Variants in WASHC2C observed in about 807,000 individuals in gnomAD.
WASHC2C encodes the protein WASH complex subunit 2C.
Under a neutral mutation model 142.2 loss-of-function variants are expected in WASHC2C, and 73 were observed. The ratio of observed to expected loss-of-function variants is 0.51; its 90% CI spans 0.43 to 0.62. The LOEUF (loss-of-function observed/expected upper bound fraction) is 0.62. WASHC2C is among the 20% of genes least tolerant of loss of function. The pLI is 0.00. For missense variants in WASHC2C, 969 were observed against 1,531.7 expected, an observed-to-expected ratio of 0.63 and a Z score of 6.13; for synonymous variants, 337 against 565.5, an observed-to-expected ratio of 0.60 and a Z score of 5.73.
chr10:45,777,403 C>G lies in WASHC2C; in HGVS notation c.2273C>G (p.Thr758Ser), dbSNP rs370570600. 8.1e-5 allele frequency: 131 copies of G among 1,610,034 alleles called. 1 individual carries two copies. The highest frequency in any genetic ancestry group is 9.9e-5 in the Non-Finnish European group (117 of 1,178,424). ...SAKESLKFGR[T>S]DVAESEKEGL... ...AAGGAGTCATTAAAATTTGGGAGAA[C>G]TGATGTGGCTGAGTCAGAAAAGGTG... The change falls in exon 22 of 31, where the codon ACT (threonine) becomes AGT (serine). Residue 758 changes from threonine (T) to serine (S), a missense_variant. Physicochemically the swap from Thr to Ser is moderately conservative, Grantham distance 58. Transcript: ENST00000623400.
intron 21 of WASHC2C, among the ~76,000 whole-genome samples, chr10:45,775,215 G>A (rs1225147275): frequency 2.0e-5 from 3 of 149,568 alleles, no homozygotes; most frequent in African/African-American, 5.0e-5. Flanking sequence ...GACCAGGCAC[G>A]GTGGCTCACG....
At chr10:45,755,178 C>G (rs2054092837) in intron 15 of WASHC2C, 63 bp downstream of exon 15, 1 of 1,549,160 alleles carries the variant, frequency 6.5e-7, no homozygotes, top group South Asian at 1.2e-5. Flanking sequence ...CTAAAAAGAA[C>G]ATAAGCTCAC....
intron 17 of WASHC2C, among the ~76,000 whole-genome samples, chr10:45,762,565 T>C (rs1239311240): frequency 5.9e-5 from 9 of 152,342 alleles, no homozygotes; most frequent in Non-Finnish European, 1.3e-4. Flanking sequence ...TTAAGCTAAG[T>C]AGACTAGCAA....
intron 19 of WASHC2C, among the ~76,000 whole-genome samples, chr10:45,767,012 A>T (rs1337096744): frequency 6.6e-6 from 1 of 152,158 alleles, no homozygotes; most frequent in East Asian, 1.9e-4. Context: ...CACGTCTGTA[A>T]TCCCAGCACT....
At chr10:45,786,790 C>G in intron 27 of WASHC2C, 116 bp downstream of exon 27, 1 of 1,579,308 alleles carries the variant, frequency 6.3e-7, no homozygotes, top group Admixed American at 1.7e-5. Flanking sequence ...CCCGCCTCCC[C>G]TCCCCTGCAC....
At position 45,727,413 on chromosome 10, in the gene WASHC2C, G is replaced by T. The variant is rs2049982433; in HGVS notation, c.4-4G>T. ...AGCCTCTCTTCTCGTTTTTTTCGCT[G>T]CAGATGAACCGGACGACCCCCGACC... On this transcript the variant is annotated splice_polypyrimidine_tract_variant and splice_region_variant and intron_variant, in intron 1 of 30. Transcript: ENST00000623400. 1 of 1,611,166 alleles carries T rather than the reference G, an allele frequency of 6.2e-7. No homozygotes were observed. Among genetic ancestry groups the T allele is most frequent in the Non-Finnish European group, 8.5e-7 (1 of 1,179,456 alleles).
intron 13 of WASHC2C, among the ~76,000 whole-genome samples, chr10:45,754,279 A>G (rs1271147501): frequency 3.3e-5 from 5 of 152,162 alleles, no homozygotes; most frequent in African/African-American, 1.2e-4. Context: ...TTTGAGTCAC[A>G]GCTCAGATTG....
At chr10:45,757,588 A>G (rs1269754069) in intron 16 of WASHC2C, among the ~76,000 whole-genome samples, 1 of 152,346 alleles carries the variant, frequency 6.6e-6, no homozygotes, top group African/African-American at 2.4e-5. Flanking sequence ...CAGTTGCCCC[A>G]GAATGTCTTT....
intron 3 of WASHC2C, among the ~76,000 whole-genome samples, chr10:45,734,359 CTGTG>C (rs139735516): frequency 7.9e-4 from 117 of 148,152 alleles, no homozygotes; most frequent in East Asian, 2.6e-3. Flanking sequence ...TTCTAGATGA[CTGTG>C]TGTGTGTGTG....
At chr10:45,757,929 C>A (rs1241962716) in intron 16 of WASHC2C, among the ~76,000 whole-genome samples, 1 of 152,356 alleles carries the variant, frequency 6.6e-6, no homozygotes, top group South Asian at 2.1e-4. Context: ...GGGTTGGGGA[C>A]CCCTGCTTTA....
intron 3 of WASHC2C, among the ~76,000 whole-genome samples, chr10:45,729,922 A>G (rs2597051): frequency 2.0e-5 from 3 of 152,224 alleles, no homozygotes; most frequent in Non-Finnish European, 2.9e-5. Flanking sequence ...TTAATAGCTC[A>G]AGTTAAATGC....
chr10:45,773,909 A>C (rs1554885652), intron 21 of WASHC2C, among the ~76,000 whole-genome samples: 1 of 149,752 alleles, frequency 6.7e-6, no homozygotes, highest in African/African-American at 2.4e-5. Flanking sequence ...AAAAAAAAAA[A>C]AAAAAAGCGT....
intron 5 of WASHC2C, among the ~76,000 whole-genome samples, chr10:45,740,838 T>G (rs1454837066): frequency 6.6e-6 from 1 of 152,148 alleles, no homozygotes; most frequent in Non-Finnish European, 1.5e-5. Context: ...AAGAGACAAT[T>G]GGGGTGACAC....
In WASHC2C at chr10:45,752,064, T is replaced by G. The variant is rs1589708278; in HGVS notation, c.1003+511T>G. On this transcript the variant is annotated intron_variant, in intron 11 of 30. Transcript: ENST00000623400. ...GTAAAAATTCCTGTAGAGATTTGAT[T>G]TATTAGATTTTACAGCAATCATTTC... Among the ~76,000 whole-genome samples, 3 of 152,278 alleles carry G rather than the reference T, an allele frequency of 2.0e-5. No individual in the cohort carries two copies. In the East Asian group the frequency reaches 5.8e-4, roughly 29 times the overall value.
At chr10:45,777,081 T>C (rs1396342512) in intron 21 of WASHC2C, among the ~76,000 whole-genome samples, 192 bp from the exon 22 acceptor site, 1 of 151,812 alleles carries the variant, frequency 6.6e-6, no homozygotes, top group Non-Finnish European at 1.5e-5. Context: ...TGAAGTGTCC[T>C]GTCCACAAGT....
chr10:45,761,255 C>T (rs568226557), intron 17 of WASHC2C, among the ~76,000 whole-genome samples: 35 of 152,202 alleles, frequency 2.3e-4, no homozygotes, highest in African/African-American at 7.5e-4. Flanking sequence ...TCAGGGAAGC[C>T]GGTCCTCTTA....
rs2923045 is a variant in WASHC2C at position 45,731,763 on chromosome 10, C to G, written c.291+2737C>G. Among the ~76,000 whole-genome samples, 277 of 149,296 alleles carry G rather than the reference C, an allele frequency of 1.9e-3. 1 individual carries two copies. The highest frequency in any genetic ancestry group is 2.7e-3 in the Non-Finnish European group (182 of 67,516). On this transcript the variant is annotated intron_variant, in intron 3 of 30. Coordinates refer to ENST00000623400, the MANE Select transcript of WASHC2C (RefSeq NM_001330074.2). ...CATAATAAAACTCTGAAAAAATATA[C>G]TTGCTGATATATATTTGTAAGTGAT...
chr10:45,751,619 T>C (rs1449789724), intron 11 of WASHC2C, 66 bp downstream of exon 11: 2 of 698,986 alleles, frequency 2.9e-6, no homozygotes, highest in Non-Finnish European at 4.8e-6. Context: ...GCTTACATAA[T>C]TCATGAAGTA....
intron 26 of WASHC2C, chr10:45,785,978 A>G: frequency 3.5e-6 from 1 of 288,968 alleles, no homozygotes; most frequent in South Asian, 4.0e-5. Flanking sequence ...ATAAATATAA[A>G]TTACATCTGA....
Sources: gnomAD v4.1 joint callset for allele counts (sites outside exome capture counted in the v4.1 genomes callset) on GRCh38, gnomAD v4.1.1 for gene constraint, MANE v1.5 for transcripts, NCBI Gene and HGNC (gene_info 2026-07-23, HGNC 2026-07-21) for gene names.